The following HIRA variants were observed in gnomAD, a reference collection of about 807,000 sequenced individuals.
HIRA encodes histone cell cycle regulator.
A neutral mutation model predicts 126.6 loss-of-function variants in HIRA; 13 were observed. That is an observed-to-expected ratio of 0.10 (90% confidence interval 0.07 to 0.16). The LOEUF (loss-of-function observed/expected upper bound fraction) is 0.16. HIRA is among the 10% of genes least tolerant of loss of function. HIRA has a pLI of 1.00. For missense variants in HIRA, 834 were observed against 1,314.4 expected (o/e 0.63, Z 5.65); for synonymous variants, 511 against 520.0 (o/e 0.98, Z 0.24).
At chr22:19,409,572 C>T (rs1244850491) in intron 2 of HIRA, among the ~76,000 whole-genome samples, 5 of 152,156 alleles carry the variant, frequency 3.3e-5, no homozygotes, top group South Asian at 2.1e-4. Context: ...CGTGAGCCAC[C>T]GTGCCCAGCC....
chr22:19,371,231 A>G (rs981371884), intron 15 of HIRA, among the ~76,000 whole-genome samples: 14 of 152,152 alleles, frequency 9.2e-5, no homozygotes, highest in African/African-American at 1.7e-4. Flanking sequence ...ACTACCCCGC[A>G]GCACATCCTC....
At chr22:19,409,821 T>C (rs1280912298) in intron 2 of HIRA, among the ~76,000 whole-genome samples, 1 of 152,202 alleles carries the variant, frequency 6.6e-6, no homozygotes, top group Non-Finnish European at 1.5e-5. Context: ...TTCAGCTAAG[T>C]CCATGTGTTC....
intron 24 of HIRA, among the ~76,000 whole-genome samples, chr22:19,347,188 G>A (rs2088696710): frequency 6.6e-6 from 1 of 152,194 alleles, no homozygotes; most frequent in African/African-American, 2.4e-5. Context: ...GATGTGCTAA[G>A]CTGTGCTAAG....
chr22:19,390,712 A>G (rs1671492608), intron 9 of HIRA, among the ~76,000 whole-genome samples: 1 of 150,370 alleles, frequency 6.7e-6, no homozygotes, highest in Non-Finnish European at 1.5e-5. Context: ...AGCATCACCC[A>G]GGGGTGAAAT....
intron 15 of HIRA, among the ~76,000 whole-genome samples, chr22:19,373,553 A>G (rs969388434): frequency 1.3e-5 from 2 of 152,204 alleles, no homozygotes; most frequent in African/African-American, 2.4e-5. Flanking sequence ...CTGAACGTCA[A>G]TTAGACCAGG....
intron 21 of HIRA, among the ~76,000 whole-genome samples, chr22:19,354,665 CAG>C (rs1237009980): frequency 2.0e-5 from 3 of 152,128 alleles, no homozygotes; most frequent in Admixed American, 1.3e-4. Flanking sequence ...AAGATGCCTA[CAG>C]AGAGTCAATA....
At chr22:19,381,543 A>AT (rs984132746) in intron 13 of HIRA, among the ~76,000 whole-genome samples, 1 of 151,832 alleles carries the variant, frequency 6.6e-6, no homozygotes, top group African/African-American at 2.4e-5. Flanking sequence ...AGATCATATA[A>AT]TTTTTTTTCT....
intron 13 of HIRA, among the ~76,000 whole-genome samples, chr22:19,381,129 T>C (rs570314219): frequency 8.5e-4 from 129 of 152,266 alleles, no homozygotes; most frequent in Middle Eastern, 3.2e-3. Flanking sequence ...CATTAAGATA[T>C]GCATCTCTGG....
chr22:19,380,706 C>A (rs2089065111), intron 13 of HIRA, among the ~76,000 whole-genome samples: 1 of 152,268 alleles, frequency 6.6e-6, no homozygotes, highest in African/African-American at 2.4e-5. Context: ...CAGGTTCAAG[C>A]AATTCTCCTG....
intron 7 of HIRA, among the ~76,000 whole-genome samples, chr22:19,396,565 G>A (rs1358047564): frequency 2.6e-5 from 4 of 152,190 alleles, no homozygotes; most frequent in Non-Finnish European, 4.4e-5. Context: ...TTATTTCAAA[G>A]TTGGAAATTA....
intron 9 of HIRA, among the ~76,000 whole-genome samples, chr22:19,389,762 G>T (rs1037555448): frequency 6.6e-6 from 1 of 151,870 alleles, no homozygotes; most frequent in Admixed American, 6.6e-5. Context: ...CCACAAACAG[G>T]GCCTCTGGCT....
Position 19,331,275 on chromosome 22 carries a change from G to A in HIRA, c.*165C>T, listed in dbSNP as rs1467572565. ...GAGGCAATGTCAGACCCAGGACACA[G>A]GGCACATCTGCCCAGGGAGCTGGGC... On this transcript the variant is annotated 3_prime_UTR_variant, in exon 25 of 25. Coordinates refer to ENST00000263208, the MANE Select transcript of HIRA (RefSeq NM_003325.4). The A allele has an allele frequency of 3.2e-6, 5 of 1,552,136 alleles. No individual in the cohort carries two copies. Among genetic ancestry groups the A allele is most frequent in the Non-Finnish European group, 4.3e-6 (5 of 1,154,612 alleles).
In HIRA at chr22:19,375,798, G is replaced by A. The variant is rs777382935; in HGVS notation, c.1614-6C>T. On this transcript the variant is annotated splice_polypyrimidine_tract_variant and splice_region_variant and intron_variant, in intron 14 of 24. Coordinates refer to ENST00000263208, the MANE Select transcript of HIRA (RefSeq NM_003325.4). The stretch of plus-strand genomic sequence containing the variant: ...GAGTAGAGGTAGCATTCATACTGGG[G>A]TGAAGAAGAGGGGAGGCATGTCAAG... The A allele has an allele frequency of 7.4e-6, 12 of 1,613,904 alleles. No homozygotes were observed. Among genetic ancestry groups the A allele is most frequent in the Middle Eastern group, 1.6e-4 (1 of 6,082 alleles).
intron 1 of HIRA, among the ~76,000 whole-genome samples, chr22:19,424,968 T>C (rs976237222): frequency 4.6e-5 from 7 of 152,056 alleles, no homozygotes; most frequent in Admixed American, 2.0e-4. Context: ...CCTAGTAAAG[T>C]CCAGCAGAAG....
chr22:19,422,223 T>TA (rs2089454209), intron 1 of HIRA, among the ~76,000 whole-genome samples: 1 of 129,088 alleles, frequency 7.7e-6, no homozygotes, highest in Non-Finnish European at 1.8e-5. Context: ...CATATATATA[T>TA]TACATATACA....
intron 5 of HIRA, among the ~76,000 whole-genome samples, chr22:19,400,950 C>T (rs574181727): frequency 2.6e-5 from 4 of 152,250 alleles, no homozygotes; most frequent in South Asian, 2.1e-4. Flanking sequence ...AGCACTTTCA[C>T]GCCACCAGGA....
chr22:19,384,518 A>G (rs1000528305), intron 12 of HIRA, among the ~76,000 whole-genome samples: 1 of 151,958 alleles, frequency 6.6e-6, no homozygotes, highest in African/African-American at 2.4e-5. Flanking sequence ...TAAATAAGAC[A>G]CCCAAGCAAA....
rs1194586240 is a variant in HIRA at position 19,331,096 on chromosome 22, T to G, written c.*344A>C. ...CTCAATCGTCACTGCTGAAGCAGCA[T>G]GGTGCCTGCAGCAGCAGGGGCTAGT... On this transcript the variant is annotated 3_prime_UTR_variant, in exon 25 of 25. Coordinates refer to ENST00000263208, the MANE Select transcript of HIRA (RefSeq NM_003325.4). The G allele has an allele frequency of 1.2e-5, 14 of 1,209,050 alleles. No homozygotes were observed. The African/African-American group carries it at 2.2e-4, about 19-fold the overall frequency. 74.9% of individuals were successfully genotyped at this position (1,209,050 alleles called of 1,614,324 possible). A position where few individuals can be genotyped will look rare whatever the true frequency, so the allele number is the denominator to read the frequency against.
At chr22:19,348,731 A>G (rs1359174844) in intron 24 of HIRA, among the ~76,000 whole-genome samples, 2 of 152,020 alleles carry the variant, frequency 1.3e-5, no homozygotes, top group Non-Finnish European at 2.9e-5. Context: ...TCCTGACCTC[A>G]TGATCCGACC....
Sources: gnomAD v4.1 joint callset for allele counts (sites outside exome capture counted in the v4.1 genomes callset) on GRCh38, gnomAD v4.1.1 for gene constraint, MANE v1.5 for transcripts, NCBI Gene and HGNC (gene_info 2026-07-23, HGNC 2026-07-21) for gene names.